The following DYNC2H1 variants were observed in gnomAD, a reference collection of about 807,000 sequenced individuals.
DYNC2H1 encodes cytoplasmic dynein 2 heavy chain 1.
A neutral mutation model predicts 570.0 loss-of-function variants in DYNC2H1; 410 were observed. The observed-to-expected ratio is 0.72, with a 90% confidence interval of 0.66 to 0.78. The LOEUF is 0.78. Ranked by LOEUF, DYNC2H1 falls within the 30% of genes least tolerant of loss-of-function variation. The probability of loss-of-function intolerance (pLI) is 0.00; values close to 1 mark genes in which losing one functional copy is unlikely to be tolerated. For synonymous variants in DYNC2H1, 1,688 were observed against 1,677.6 expected, an observed-to-expected ratio of 1.01 and a Z score of -0.15; for missense variants, 4,865 against 5,046.4, an observed-to-expected ratio of 0.96 and a Z score of 1.09.
rs770269329 is a variant in DYNC2H1, at chr11:103,116,570, G to A, written c.622G>A (p.Glu208Lys). The A allele has an allele frequency of 1.7e-5, 26 of 1,565,968 alleles. No individual in the cohort carries two copies. Among genetic ancestry groups the A allele is most frequent in the Non-Finnish European group, 2.2e-5 (26 of 1,157,854 alleles). ...TAAAAATTAATGCATTTTTTTCTAG[G>A]AGTTTTATAACTTGGACAGTCTATC... ...FKELFETIAR[E>K]FYNLDSLSLL... The change falls in exon 5 of 89, where the codon GAG (glutamate) becomes AAG (lysine). Residue 208 changes from glutamate (E) to lysine (K), a missense_variant and splice_region_variant. Glu to Lys is a moderately conservative substitution (Grantham distance 56). Coordinates refer to ENST00000375735, the MANE Select transcript of DYNC2H1 (RefSeq NM_001377.3).
In DYNC2H1 at chr11:103,201,104, G is replaced by A. The variant is rs1862702041; in HGVS notation, c.8197+950G>A. Reference sequence around the variant, plus strand: ...GGCCTCCCAAAGTGCTGGGATTACAGATGTGAGCCACCGCGTCTGGCCAGT... The same window carrying A: ...GGCCTCCCAAAGTGCTGGGATTACAAATGTGAGCCACCGCGTCTGGCCAGT... On this transcript the variant is annotated intron_variant, in intron 50 of 88. Transcript: ENST00000375735. The surrounding 1 kb of genome is among the most constrained non-coding windows in gnomAD (Gnocchi z 4.8). 2.0e-5 allele frequency among the ~76,000 whole-genome samples: 3 copies of A among 152,164 alleles called. No homozygotes were observed. The highest frequency in any genetic ancestry group is 6.5e-5 in the Admixed American group (1 of 15,278).
chr11:103,377,068 T>C (rs1056208515), intron 83 of DYNC2H1, among the ~76,000 whole-genome samples: 4 of 152,222 alleles, frequency 2.6e-5, no homozygotes, highest in Admixed American at 6.5e-5. Flanking sequence ...CCTTGACTTT[T>C]GACAGTTGGA....
intron 47 of DYNC2H1, among the ~76,000 whole-genome samples, chr11:103,196,578 T>A (rs1390079282): frequency 3.9e-5 from 6 of 152,144 alleles, no homozygotes; most frequent in Non-Finnish European, 1.5e-5. Flanking sequence ...AAATTATTGA[T>A]AATTTAACTG....
chr11:103,188,080 A>G (rs1326785887), intron 43 of DYNC2H1, among the ~76,000 whole-genome samples: 1 of 152,110 alleles, frequency 6.6e-6, no homozygotes, highest in African/African-American at 2.4e-5. Context: ...ATTAGAAGCT[A>G]TAAATTCTTA....
At chr11:103,188,942 T>C (rs1862188178) in intron 44 of DYNC2H1, among the ~76,000 whole-genome samples, 1 of 152,064 alleles carries the variant, frequency 6.6e-6, no homozygotes, top group Non-Finnish European at 1.5e-5. Context: ...GATTTTAGAT[T>C]TAAATGTTTT....
intron 75 of DYNC2H1, among the ~76,000 whole-genome samples, chr11:103,291,437 CAATA>C (rs749615097): frequency 2.3e-5 from 3 of 129,980 alleles, no homozygotes; most frequent in East Asian, 2.4e-4. Context: ...GCCTCCATCT[CAATA>C]AATAAATAAA....
At chr11:103,121,563 G>A in intron 10 of DYNC2H1, 67 bp downstream of exon 10, 1 of 1,516,024 alleles carries the variant, frequency 6.6e-7, no homozygotes, top group South Asian at 1.2e-5. Flanking sequence ...CATGTAGAAG[G>A]TACTCTAGAG....
rs7951738 is a variant in DYNC2H1, at chr11:103,236,717, A to G, written c.9819+178A>G. Among the ~76,000 whole-genome samples the G allele has an allele frequency of 0.023, 3,472 of 151,982 alleles. 115 individuals are homozygous for G. The highest frequency in any genetic ancestry group is 0.078 in the African/African-American group (3,225 of 41,526). On this transcript the variant is annotated intron_variant, in intron 63 of 88. Coordinates refer to ENST00000375735, the MANE Select transcript of DYNC2H1 (RefSeq NM_001377.3). ...TAGTGAGTGTAAGACTTTCTGTATA[A>G]TTTATTTTTTACCTTAATATAAAAG...
intron 83 of DYNC2H1, among the ~76,000 whole-genome samples, chr11:103,380,322 A>AT (rs1941588249): frequency 3.3e-5 from 5 of 152,078 alleles, no homozygotes; most frequent in Admixed American, 6.6e-5. Flanking sequence ...CTCTCCAGTC[A>AT]TTTGTTTTCT....
chr11:103,349,156 A>G (rs904319234), intron 82 of DYNC2H1, among the ~76,000 whole-genome samples: 2 of 152,182 alleles, frequency 1.3e-5, no homozygotes, highest in East Asian at 3.8e-4. Flanking sequence ...TTATATCTTC[A>G]TATGAACATA....
Position 103,280,463 on chromosome 11 carries a change from A to G in DYNC2H1, c.10761+50A>G. On this transcript the variant is annotated intron_variant, in intron 71 of 88. Coordinates refer to ENST00000375735, the MANE Select transcript of DYNC2H1 (RefSeq NM_001377.3). The surrounding 1 kb of genome is among the most constrained non-coding windows in gnomAD (Gnocchi z 4.7). Reference sequence around the variant, plus strand: ...TTTTACAGTAACATAGAAATTTGTTAATGGGTGGATTTATGTTTAGATTAG... The same window carrying G: ...TTTTACAGTAACATAGAAATTTGTTGATGGGTGGATTTATGTTTAGATTAG... 1 of 1,429,418 alleles carries G rather than the reference A, an allele frequency of 7.0e-7. No homozygotes were observed. The highest frequency in any genetic ancestry group is 9.6e-7 in the Non-Finnish European group (1 of 1,037,552). The allele number at this position is 1,429,418 out of a possible 1,614,324, so 88.5% of individuals were successfully genotyped here.
At chr11:103,429,617 CTT>C (rs1462764095) in intron 84 of DYNC2H1, among the ~76,000 whole-genome samples, 1 of 152,138 alleles carries the variant, frequency 6.6e-6, no homozygotes, top group Admixed American at 6.6e-5. Flanking sequence ...TAAGGGCTCT[CTT>C]ATTGTTAAAT....
Position 103,427,015 on chromosome 11 carries a change from A to C in DYNC2H1, c.12367-8928A>C, listed in dbSNP as rs370386084. Among the ~76,000 whole-genome samples the C allele has an allele frequency of 2.0e-5, 3 of 152,320 alleles. No homozygotes were observed. The East Asian group carries it at 5.8e-4, about 29-fold the overall frequency. On this transcript the variant is annotated intron_variant, in intron 84 of 88. Transcript: ENST00000375735. ...TAGTGTGCTAAATTGTGGAAATCAA[A>C]ACTCAATACTACTAGCTTTACAATG...
intron 74 of DYNC2H1, among the ~76,000 whole-genome samples, chr11:103,286,615 G>A (rs1444624761): frequency 3.9e-5 from 6 of 152,154 alleles, no homozygotes; most frequent in Non-Finnish European, 7.4e-5. Context: ...TCTCAGACCC[G>A]AGGGGGATTT....
chr11:103,136,573 G>T (rs1859567884), intron 17 of DYNC2H1, among the ~76,000 whole-genome samples: 1 of 152,136 alleles, frequency 6.6e-6, no homozygotes, highest in African/African-American at 2.4e-5. Flanking sequence ...TTTTATGGCT[G>T]CATAGTATTC....
At position 103,312,045 on chromosome 11, in the gene DYNC2H1, C is replaced by T. The variant is rs79978663; in HGVS notation, c.11649+12C>T. 11 of 1,599,796 alleles carry T rather than the reference C, an allele frequency of 6.9e-6. No homozygotes were observed. The highest frequency in any genetic ancestry group is 9.4e-6 in the Non-Finnish European group (11 of 1,176,106). ...ACTATATTCCTCAGGTAAGTAAGAA[C>T]ATGTCTTGAATACATTCTAAGCTTT... On this transcript the variant is annotated intron_variant, in intron 79 of 88. Transcript: ENST00000375735.
rs541288296 is a variant in DYNC2H1 at position 103,460,624 on chromosome 11, C to A, written c.12648+4268C>A. Among the ~76,000 whole-genome samples the A allele has an allele frequency of 2.8e-5, 4 of 145,336 alleles. No homozygotes were observed. The South Asian group carries it at 9.0e-4, about 33-fold the overall frequency. On this transcript the variant is annotated intron_variant, in intron 87 of 88. Coordinates refer to ENST00000375735, the MANE Select transcript of DYNC2H1 (RefSeq NM_001377.3). ...AGTTATGAGTAGACTTCAATAATAA[C>A]TTCATTGACATGTTTATTATGAGGA...
rs313380 is a variant in DYNC2H1 at position 103,299,136 on chromosome 11, C to T, written c.11096-3957C>T. Reference sequence around the variant, plus strand: ...ATGTCCCCATACGGTGCTACAATAACTACAGTAACCAGAAATTTTTAAACG... The same window carrying T: ...ATGTCCCCATACGGTGCTACAATAATTACAGTAACCAGAAATTTTTAAACG... On this transcript the variant is annotated intron_variant, in intron 75 of 88. Coordinates refer to ENST00000375735, the MANE Select transcript of DYNC2H1 (RefSeq NM_001377.3). The surrounding 1 kb of genome is among the most constrained non-coding windows in gnomAD (Gnocchi z 4.5). Among the ~76,000 whole-genome samples, 9,174 of 146,702 alleles carry T rather than the reference C, an allele frequency of 0.063. 420 individuals carry two copies. The highest frequency in any genetic ancestry group is 0.23 in the East Asian group (1,151 of 4,924).
chr11:103,329,871 T>A (rs1241779538), intron 82 of DYNC2H1, among the ~76,000 whole-genome samples: 1 of 152,200 alleles, frequency 6.6e-6, no homozygotes, highest in Admixed American at 6.5e-5. Context: ...ATTTTTGCTA[T>A]TAGCGTTTTT....
Sources: allele counts gnomAD v4.1 joint callset (sites outside exome capture counted in the v4.1 genomes callset), GRCh38; gene constraint gnomAD v4.1.1; non-coding constraint Gnocchi (gnomAD v3.1); transcripts MANE v1.5; gene names NCBI Gene and HGNC (gene_info 2026-07-23, HGNC 2026-07-21).